The following LUZP2 variants were observed in gnomAD, a reference collection of about 807,000 sequenced individuals.
The protein encoded by LUZP2 is leucine zipper protein 2.
Under a neutral mutation model 51.6 loss-of-function variants are expected in LUZP2, and 52 were observed. The observed-to-expected ratio is 1.01, with a 90% CI of 0.81 to 1.27. The LOEUF is 1.27. Ranked by LOEUF, LUZP2 falls within the 50% of genes most tolerant of loss-of-function variation. LUZP2 has a pLI of 0.00. For missense variants in LUZP2, 436 were observed against 395.4 expected, an observed-to-expected ratio of 1.10 and a Z score of -0.87; for synonymous variants, 154 against 137.3, an observed-to-expected ratio of 1.12 and a Z score of -0.85.
intron 9 of LUZP2, among the ~76,000 whole-genome samples, chr11:25,041,179 C>A (rs1308336405): frequency 6.6e-6 from 1 of 152,130 alleles, no homozygotes; most frequent in Non-Finnish European, 1.5e-5. Context: ...AAGACCTTGA[C>A]TGGATGCCTG....
intron 1 of LUZP2, among the ~76,000 whole-genome samples, chr11:24,595,985 T>C (rs1406588143): frequency 1.3e-5 from 2 of 152,204 alleles, no homozygotes; most frequent in Non-Finnish European, 2.9e-5. Flanking sequence ...GCAAGTTCCA[T>C]GTGCATATGG....
chr11:24,702,761 C>T (rs1230986390), intron 1 of LUZP2, among the ~76,000 whole-genome samples: 1 of 152,138 alleles, frequency 6.6e-6, no homozygotes, highest in African/African-American at 2.4e-5. Context: ...AGTGGCCAAG[C>T]AGTGTGGATC....
chr11:24,790,407 G>A (rs1327967745), intron 5 of LUZP2, among the ~76,000 whole-genome samples: 3 of 151,902 alleles, frequency 2.0e-5, no homozygotes, highest in Non-Finnish European at 2.9e-5. Flanking sequence ...TTTTTTAAAC[G>A]CTTGCTTTAC....
intron 1 of LUZP2, among the ~76,000 whole-genome samples, chr11:24,516,025 T>G (rs185388195): frequency 9.7e-4 from 148 of 152,312 alleles, no homozygotes; most frequent in Non-Finnish European, 1.5e-3. Context: ...CAGAGGCTGA[T>G]CCACCTGGAT....
intron 1 of LUZP2, among the ~76,000 whole-genome samples, chr11:24,519,318 A>G (rs748294064): frequency 2.0e-5 from 3 of 151,570 alleles, no homozygotes; most frequent in Non-Finnish European, 4.4e-5. Flanking sequence ...AGCTTTGGAG[A>G]CTCCTGTACT....
chr11:24,740,221 C>T (rs542550473), intron 4 of LUZP2, among the ~76,000 whole-genome samples: 1 of 152,252 alleles, frequency 6.6e-6, no homozygotes, highest in Non-Finnish European at 1.5e-5. Context: ...TGTATTTGCA[C>T]AGCTATAAGC....
At chr11:24,881,331 G>T (rs1313899645) in intron 5 of LUZP2, among the ~76,000 whole-genome samples, 3 of 151,518 alleles carry the variant, frequency 2.0e-5, no homozygotes, top group Non-Finnish European at 2.9e-5. Flanking sequence ...AAAAAAAAGA[G>T]AGAGAGACAG....
intron 9 of LUZP2, among the ~76,000 whole-genome samples, chr11:25,018,083 G>A (rs1342622120): frequency 7.7e-6 from 1 of 129,256 alleles, no homozygotes; most frequent in Non-Finnish European, 1.7e-5. Context: ...AAAGGATTGA[G>A]TTCTTGACTT....
At chr11:24,744,919 T>C (rs1347315812) in intron 4 of LUZP2, among the ~76,000 whole-genome samples, 2 of 152,156 alleles carry the variant, frequency 1.3e-5, no homozygotes, top group Non-Finnish European at 2.9e-5. Context: ...ATTATTGTCG[T>C]TCAGTTTGAA....
chr11:24,642,287 G>T (rs1855316346), intron 1 of LUZP2, among the ~76,000 whole-genome samples: 2 of 151,686 alleles, frequency 1.3e-5, no homozygotes, highest in Admixed American at 1.3e-4. Context: ...TCTGCATTTT[G>T]TCCTGGGATC....
At chr11:24,920,623 T>C (rs1854018035) in intron 7 of LUZP2, among the ~76,000 whole-genome samples, 1 of 151,978 alleles carries the variant, frequency 6.6e-6, no homozygotes, top group Non-Finnish European at 1.5e-5. Flanking sequence ...TAAAATCATG[T>C]CTTTTGCAGC....
At chr11:24,704,115 T>TTC (rs35525684) in intron 1 of LUZP2, among the ~76,000 whole-genome samples, 5 of 150,690 alleles carry the variant, frequency 3.3e-5, no homozygotes, top group African/African-American at 4.9e-5. Context: ...TACACATTCA[T>TTC]TCTCTCTCTC....
chr11:24,505,447 C>T (rs534124069), intron 1 of LUZP2, among the ~76,000 whole-genome samples: 1 of 152,234 alleles, frequency 6.6e-6, no homozygotes, highest in South Asian at 2.1e-4. Context: ...AACAGTGCCT[C>T]TCTCATAGAT....
rs184097870 is a variant in LUZP2, at chr11:25,081,628, G to A, written c.*2970G>A. On this transcript the variant is annotated 3_prime_UTR_variant, in exon 12 of 12. Transcript: ENST00000336930. ...CATTTGTGAATGTGTCTATGAGAGAGGGGCCATTTCTCACATATTTTAATT... is the reference window on the plus strand; with the variant it reads ...CATTTGTGAATGTGTCTATGAGAGAAGGGCCATTTCTCACATATTTTAATT... 3 of 152,208 alleles carry A rather than the reference G, an allele frequency of 2.0e-5. No individual in the cohort carries two copies. The highest frequency in any genetic ancestry group is 3.9e-4 in the East Asian group (2 of 5,180). 9.4% of individuals were successfully genotyped at this position (152,208 alleles called of 1,614,324 possible).
intron 1 of LUZP2, among the ~76,000 whole-genome samples, chr11:24,618,805 C>T (rs1262171649): frequency 1.3e-5 from 2 of 152,006 alleles, no homozygotes; most frequent in Non-Finnish European, 2.9e-5. Flanking sequence ...GGACAAGGAC[C>T]TCTATGCCAA....
chr11:25,035,582 G>A (rs1436170139), intron 9 of LUZP2, among the ~76,000 whole-genome samples: 1 of 151,972 alleles, frequency 6.6e-6, no homozygotes, highest in African/African-American at 2.4e-5. Flanking sequence ...TTGTTTAGAA[G>A]AATCAATATC....
At chr11:25,000,855 A>G (rs1423349789) in intron 9 of LUZP2, among the ~76,000 whole-genome samples, 3 of 152,156 alleles carry the variant, frequency 2.0e-5, no homozygotes, top group Non-Finnish European at 4.4e-5. Context: ...TTGGGATTGT[A>G]GTTACTATCC....
At chr11:24,576,852 A>G (rs1852670089) in intron 1 of LUZP2, among the ~76,000 whole-genome samples, 1 of 152,134 alleles carries the variant, frequency 6.6e-6, no homozygotes, top group Non-Finnish European at 1.5e-5. Flanking sequence ...TGTTTGACAT[A>G]TTAGATATGA....
At chr11:24,802,291 G>A (rs757461183) in intron 5 of LUZP2, among the ~76,000 whole-genome samples, 13 of 151,934 alleles carry the variant, frequency 8.6e-5, no homozygotes, top group South Asian at 2.1e-4. Flanking sequence ...TATCCTGTGT[G>A]TATACTATAT....
Sources: gnomAD v4.1 joint callset for allele counts (sites outside exome capture counted in the v4.1 genomes callset) on GRCh38, gnomAD v4.1.1 for gene constraint, MANE v1.5 for transcripts, NCBI Gene and HGNC (gene_info 2026-07-23, HGNC 2026-07-21) for gene names.